The following TDRD10 variants were observed in gnomAD, a reference collection of about 807,000 sequenced individuals.
The protein encoded by TDRD10 is tudor domain-containing protein 10.
Under a neutral mutation model 48.0 loss-of-function variants are expected in TDRD10, and 40 were observed. The observed-to-expected ratio is 0.83, with a 90% confidence interval of 0.65 to 1.09. The LOEUF (loss-of-function observed/expected upper bound fraction) is 1.09. Ranked by LOEUF, TDRD10 falls within the 50% of genes least tolerant of loss-of-function variation. TDRD10 has a pLI of 0.00. For missense variants in TDRD10, 378 were observed against 434.7 expected (o/e 0.87, Z 1.16); for synonymous variants, 162 against 170.4 (o/e 0.95, Z 0.38).
intron 6 of TDRD10, among the ~76,000 whole-genome samples, chr1:154,523,668 A>G (rs1359059734): frequency 2.0e-5 from 3 of 152,242 alleles, no homozygotes; most frequent in Non-Finnish European, 4.4e-5. Flanking sequence ...TTCTATAGTC[A>G]ATAACTACCT....
intron 11 of TDRD10, among the ~76,000 whole-genome samples, chr1:154,547,005 T>TG (rs1695632738): frequency 6.6e-6 from 1 of 152,146 alleles, no homozygotes. Context: ...GCTCCCTGCC[T>TG]GGTTCCAGCA....
intron 6 of TDRD10, among the ~76,000 whole-genome samples, chr1:154,525,180 T>A (rs1694245749): frequency 6.6e-6 from 1 of 152,184 alleles, no homozygotes. Context: ...TTTTGTCTAG[T>A]TTTAGAGTTG....
At chr1:154,520,572 C>G (rs1694005747) in intron 5 of TDRD10, among the ~76,000 whole-genome samples, 198 bp downstream of exon 5, 1 of 152,198 alleles carries the variant, frequency 6.6e-6, no homozygotes, top group Non-Finnish European at 1.5e-5. Flanking sequence ...CTTATCAACA[C>G]AACCCTGGCT....
chr1:154,539,556 G>T (rs930843453), intron 6 of TDRD10, among the ~76,000 whole-genome samples: 6 of 152,112 alleles, frequency 3.9e-5, no homozygotes, highest in Admixed American at 3.3e-4. Context: ...CATGTGATCT[G>T]CCCACCTAGG....
At chr1:154,506,846 T>G in intron 1 of TDRD10, 31 bp from the exon 2 acceptor site, 1 of 1,587,684 alleles carries the variant, frequency 6.3e-7, no homozygotes, top group Non-Finnish European at 8.7e-7. Flanking sequence ...TATCCTGGCA[T>G]TCCTCTAACT....
At chr1:154,531,255 G>C (rs928454936) in intron 6 of TDRD10, among the ~76,000 whole-genome samples, 3 of 152,178 alleles carry the variant, frequency 2.0e-5, no homozygotes, top group African/African-American at 4.8e-5. Context: ...ATGTTTGTCA[G>C]GTAGTGCCAG....
intron 2 of TDRD10, 70 bp from the exon 3 acceptor site, chr1:154,507,171 A>G: frequency 6.7e-7 from 1 of 1,481,880 alleles, no homozygotes; most frequent in Non-Finnish European, 9.0e-7. Context: ...CCCTCTGCTT[A>G]TGCCTGACAC....
At chr1:154,504,130 A>G (rs1693012174) in intron 1 of TDRD10, among the ~76,000 whole-genome samples, 1 of 152,222 alleles carries the variant, frequency 6.6e-6, no homozygotes, top group Non-Finnish European at 1.5e-5. Context: ...AAGTGGAATC[A>G]TGCAATATGT....
At chr1:154,509,583 C>T (rs1483091404) in intron 4 of TDRD10, among the ~76,000 whole-genome samples, 1 of 151,954 alleles carries the variant, frequency 6.6e-6, no homozygotes, top group Non-Finnish European at 1.5e-5. Flanking sequence ...TTGCTTTGTG[C>T]CAAATCATGT....
chr1:154,520,465 A>G (rs1693999039), intron 5 of TDRD10, 91 bp downstream of exon 5: 1 of 972,064 alleles, frequency 1.0e-6, no homozygotes, highest in Admixed American at 1.8e-5. Context: ...AGACTAGCCC[A>G]GCAACCGCCA....
chr1:154,512,206 G>A (rs780511437), intron 4 of TDRD10, among the ~76,000 whole-genome samples: 2 of 152,070 alleles, frequency 1.3e-5, no homozygotes, highest in Non-Finnish European at 2.9e-5. Flanking sequence ...TGTCTCTTAA[G>A]GATTTCCTAT....
chr1:154,545,611 G>T (rs1354103971), intron 11 of TDRD10, among the ~76,000 whole-genome samples: 2 of 151,996 alleles, frequency 1.3e-5, no homozygotes, highest in African/African-American at 2.4e-5. Flanking sequence ...GTCTCACTCT[G>T]TTGCCCATGC....
intron 6 of TDRD10, among the ~76,000 whole-genome samples, chr1:154,531,639 A>C (rs1210533955): frequency 1.3e-5 from 2 of 152,234 alleles, no homozygotes; most frequent in Non-Finnish European, 2.9e-5. Flanking sequence ...GTGGACCCGA[A>C]GAGTGAGCAG....
chr1:154,534,977 CT>C (rs1694842875), intron 6 of TDRD10, among the ~76,000 whole-genome samples: 1 of 152,110 alleles, frequency 6.6e-6, no homozygotes, highest in African/African-American at 2.4e-5. Context: ...CATGAAGGCA[CT>C]TTACAGAAGT....
intron 6 of TDRD10, among the ~76,000 whole-genome samples, chr1:154,531,522 C>T (rs544458176): frequency 6.2e-4 from 94 of 152,092 alleles, no homozygotes; most frequent in African/African-American, 1.8e-3. Flanking sequence ...GCTTTTAAGG[C>T]GGCACATCTG....
At chr1:154,516,487 G>C (rs970265469) in intron 4 of TDRD10, among the ~76,000 whole-genome samples, 3 of 152,060 alleles carry the variant, frequency 2.0e-5, no homozygotes, top group Non-Finnish European at 4.4e-5. Context: ...TAAAAATCAG[G>C]GTTCTCTGCT....
At chr1:154,520,127 A>G (rs966043608) in intron 4 of TDRD10, among the ~76,000 whole-genome samples, 177 bp from the exon 5 acceptor site, 2 of 152,184 alleles carry the variant, frequency 1.3e-5, no homozygotes, top group Non-Finnish European at 1.5e-5. Context: ...TTCACTGAAG[A>G]CAGGGCTGTG....
intron 7 of TDRD10, among the ~76,000 whole-genome samples, chr1:154,542,334 C>T (rs146829625): frequency 4.6e-5 from 7 of 152,308 alleles, no homozygotes; most frequent in African/African-American, 1.7e-4. Context: ...CTCAAGCCAT[C>T]CTCCCTCCTC....
At chr1:154,504,497 G>C (rs1693033964) in intron 1 of TDRD10, among the ~76,000 whole-genome samples, 1 of 152,200 alleles carries the variant, frequency 6.6e-6, no homozygotes, top group African/African-American at 2.4e-5. Flanking sequence ...CAATATGAGG[G>C]CCCCTGTTTC....
Sources: allele counts gnomAD v4.1 joint callset (sites outside exome capture counted in the v4.1 genomes callset), GRCh38; gene constraint gnomAD v4.1.1; transcripts MANE v1.5; gene names NCBI Gene and HGNC (gene_info 2026-07-23, HGNC 2026-07-21).